DDI2: variants seen among roughly 807,000 people sequenced by gnomAD.
DDI2 encodes the protein DDI proteasomal shuttling factor 2, also known as protein DDI1 homolog 2.
In DDI2, 5 loss-of-function variants were observed where a neutral mutation model predicts 48.1. The observed-to-expected ratio is 0.10, with a 90% confidence interval of 0.05 to 0.22. DDI2 has a LOEUF of 0.22. DDI2 is among the 10% of genes least tolerant of loss of function. The probability of loss-of-function intolerance (pLI) is 1.00; values close to 1 mark genes in which losing one functional copy is unlikely to be tolerated. For synonymous variants in DDI2, 205 were observed against 183.6 expected, an observed-to-expected ratio of 1.12 and a Z score of -0.94; for missense variants, 285 against 506.2, an observed-to-expected ratio of 0.56 and a Z score of 4.19.
At chr1:15,652,626 A>G (rs1640209010) in intron 8 of DDI2, among the ~76,000 whole-genome samples, 1 of 151,788 alleles carries the variant, frequency 6.6e-6, no homozygotes, top group Non-Finnish European at 1.5e-5. Context: ...GATGGAGACC[A>G]TCCTGGCTAA....
At position 15,626,662 on chromosome 1, in the gene DDI2, G is replaced by T; in HGVS notation, c.139-7G>T. The T allele has an allele frequency of 6.2e-7, 1 of 1,614,018 alleles. No homozygotes were observed. Among genetic ancestry groups the T allele is most frequent in the Non-Finnish European group, 8.5e-7 (1 of 1,180,002 alleles). On this transcript the variant is annotated splice_polypyrimidine_tract_variant and splice_region_variant and intron_variant, in intron 1 of 9. Transcript: ENST00000480945. ...TTTATACTGTTGTATATCTTTTCTT[G>T]TTGTAGATCGTCTATGCGGAAAGAC...
chr1:15,636,534 G>T (rs1426293382), intron 4 of DDI2, among the ~76,000 whole-genome samples: 1 of 150,930 alleles, frequency 6.6e-6, no homozygotes, highest in Non-Finnish European at 1.5e-5. Context: ...GTGCAGTGGT[G>T]CCATCCTAGC....
chr1:15,618,315 C>G (rs1031978167), intron 1 of DDI2, among the ~76,000 whole-genome samples: 5 of 147,354 alleles, frequency 3.4e-5, no homozygotes, highest in Non-Finnish European at 5.9e-5. Context: ...CCTTTAAATG[C>G]ACAGATTTGC....
intron 4 of DDI2, among the ~76,000 whole-genome samples, chr1:15,634,769 C>T (rs75348249): frequency 0.1 from 15,672 of 151,812 alleles, 1,102 homozygotes; most frequent in African/African-American, 0.19. Flanking sequence ...TGAGCTCACG[C>T]AATCCACGCG....
At chr1:15,647,328 A>C (rs891634922) in intron 6 of DDI2, among the ~76,000 whole-genome samples, 1 of 151,712 alleles carries the variant, frequency 6.6e-6, no homozygotes, top group African/African-American at 2.4e-5. Flanking sequence ...TTGGATTTTT[A>C]GTAGAGACAG....
At chr1:15,618,854 A>G (rs947228793) in intron 1 of DDI2, among the ~76,000 whole-genome samples, 7 of 152,250 alleles carry the variant, frequency 4.6e-5, no homozygotes, top group Non-Finnish European at 8.8e-5. Context: ...TTGATTTTCT[A>G]CTGCAGTTAT....
At chr1:15,638,478 T>C in intron 5 of DDI2, 44 bp downstream of exon 5, 1 of 1,603,296 alleles carries the variant, frequency 6.2e-7, no homozygotes, top group Non-Finnish European at 8.5e-7. Context: ...CTCCAACATC[T>C]TTACCTGACA....
chr1:15,644,168 C>T (rs944884674), intron 6 of DDI2, among the ~76,000 whole-genome samples: 10 of 152,238 alleles, frequency 6.6e-5, no homozygotes. Context: ...ATAGCCTCTA[C>T]ATTTCATCCT....
Position 15,661,744 on chromosome 1 carries a change from C to T in DDI2, c.*1954C>T, listed in dbSNP as rs184048113. 2.7e-5 allele frequency: 42 copies of T among 1,580,512 alleles called. No homozygotes were observed. In the East Asian group the frequency reaches 5.8e-4, roughly 22 times the overall value. The stretch of plus-strand genomic sequence containing the variant: ...ATGACTGTGGGAAAGTGGGCTAGAC[C>T]GTTCTCCATTCCCTTTAAACAAAAG... On this transcript the variant is annotated 3_prime_UTR_variant, in exon 10 of 10. Coordinates refer to ENST00000480945, the MANE Select transcript of DDI2 (RefSeq NM_032341.5).
chr1:15,649,303 A>C (rs1640142446), intron 6 of DDI2, among the ~76,000 whole-genome samples: 1 of 151,890 alleles, frequency 6.6e-6, no homozygotes. Context: ...CAGAGGTTGC[A>C]GTGAGCCGAG....
intron 7 of DDI2, among the ~76,000 whole-genome samples, chr1:15,651,224 T>A (rs1640177186): frequency 6.6e-6 from 1 of 152,216 alleles, no homozygotes; most frequent in Non-Finnish European, 1.5e-5. Flanking sequence ...TGCCTTTCCT[T>A]ATTTTTTTAG....
At chr1:15,643,375 G>T (rs7531396) in intron 5 of DDI2, 147 bp from the exon 6 acceptor site, 10 of 1,066,218 alleles carry the variant, frequency 9.4e-6, no homozygotes, top group Non-Finnish European at 1.2e-5. Context: ...AGGCAGGCAG[G>T]GCACTTGCTA....
rs923707351 is a variant in DDI2 at position 15,622,198 on chromosome 1, C to CTTTTTTTT, written c.138+4400_138+4407dup. On this transcript the variant is annotated intron_variant, in intron 1 of 9. Coordinates refer to ENST00000480945, the MANE Select transcript of DDI2 (RefSeq NM_032341.5). Reference sequence around the variant, plus strand: ...AAGGGATCCTCCCAAGTAGCTGCGACTTTTTTTTTTTTTTTTTGAGACGAG... The same window carrying CTTTTTTTT: ...AAGGGATCCTCCCAAGTAGCTGCGACTTTTTTTTTTTTTTTTTTTTTTTTTGAGACGAG... 1.3e-3 allele frequency among the ~76,000 whole-genome samples: 177 copies of CTTTTTTTT among 131,172 alleles called. 5 individuals carry two copies. The highest frequency in any genetic ancestry group is 2.4e-3 in the African/African-American group (84 of 34,368). The allele number at this position is 131,172 out of a possible 152,430, so 86.1% of individuals were successfully genotyped here.
At position 15,647,154 on chromosome 1, in the gene DDI2, C is replaced by CT. The variant is rs201942636; in HGVS notation, c.890-2555dup. 4.1e-3 allele frequency among the ~76,000 whole-genome samples: 600 copies of CT among 145,390 alleles called. 5 individuals carry two copies. The highest frequency in any genetic ancestry group is 0.011 in the Middle Eastern group (3 of 276). On this transcript the variant is annotated intron_variant, in intron 6 of 9. Coordinates refer to ENST00000480945, the MANE Select transcript of DDI2 (RefSeq NM_032341.5). ...TTGGGTTGTTTCTTTTTTTCTTTTT[C>CT]TTTTTTTTTTTGAAACAGAGTCTCA...
Position 15,652,262 on chromosome 1 carries a change from T to C in DDI2, c.1183+367T>C, listed in dbSNP as rs1570988179. Among the ~76,000 whole-genome samples, 5 of 151,344 alleles carry C rather than the reference T, an allele frequency of 3.3e-5. No homozygotes were observed. The East Asian group carries it at 9.8e-4, about 30-fold the overall frequency. ...TAGCAGAGATAGGGTCTTGCTGTGT[T>C]GTCCAGGCCTATCTCCAACTCCTGG... On this transcript the variant is annotated intron_variant, in intron 8 of 9. Coordinates refer to ENST00000480945, the MANE Select transcript of DDI2 (RefSeq NM_032341.5).
intron 9 of DDI2, 169 bp downstream of exon 9, chr1:15,656,848 A>G (rs946576324): frequency 7.1e-6 from 6 of 840,278 alleles, no homozygotes; most frequent in Non-Finnish European, 1.1e-5. Context: ...ATACATGGAT[A>G]TGTAACATAA....
At chr1:15,646,102 C>T (rs7516462) in intron 6 of DDI2, among the ~76,000 whole-genome samples, 42,420 of 152,124 alleles carry the variant, frequency 0.28, 6,465 homozygotes, top group African/African-American at 0.36. Flanking sequence ...GTTTCACCCT[C>T]TCCAGAAAAT....
At chr1:15,656,876 G>A in intron 9 of DDI2, 197 bp downstream of exon 9, 3 of 669,366 alleles carry the variant, frequency 4.5e-6, no homozygotes, top group South Asian at 2.2e-5. Flanking sequence ...TTTAAAAATG[G>A]ATTCGTTATT....
chr1:15,660,661 A>G lies in DDI2; in HGVS notation c.*871A>G, dbSNP rs1557625818. The stretch of plus-strand genomic sequence containing the variant: ...GTCCCTAGTTACTTTGCTTAATTCA[A>G]CAGGCAGGCAGAATGCCAATGTCAA... On this transcript the variant is annotated 3_prime_UTR_variant, in exon 10 of 10. Transcript: ENST00000480945. The G allele has an allele frequency of 3.1e-6, 5 of 1,614,224 alleles. No individual in the cohort carries two copies. In the South Asian group the frequency reaches 5.5e-5, roughly 18 times the overall value.
Sources: allele counts gnomAD v4.1 joint callset (sites outside exome capture counted in the v4.1 genomes callset), GRCh38; gene constraint gnomAD v4.1.1; transcripts MANE v1.5; gene names NCBI Gene and HGNC (gene_info 2026-07-23, HGNC 2026-07-21).